The following ZBTB7C variants were observed in gnomAD, a reference collection of about 807,000 sequenced individuals.
ZBTB7C encodes zinc finger and BTB domain-containing protein 7C.
In ZBTB7C, 8 loss-of-function variants were observed where a neutral mutation model predicts 25.7. That is an observed-to-expected ratio of 0.31 (90% CI 0.18 to 0.56). The LOEUF is 0.56. Among genes scored for constraint, ZBTB7C ranks in the 20% least tolerant of loss-of-function variants. The pLI is 0.91. For missense variants in ZBTB7C, 824 were observed against 855.2 expected (o/e 0.96, Z 0.46); for synonymous variants, 394 against 369.0 (o/e 1.07, Z -0.78).
At chr18:48,248,990 G>A (rs1296962824) in intron 2 of ZBTB7C, among the ~76,000 whole-genome samples, 1 of 151,878 alleles carries the variant, frequency 6.6e-6, no homozygotes, top group East Asian at 1.9e-4. Context: ...ATAATTCACA[G>A]AAAATTATAT....
At chr18:48,299,619 T>C (rs558568790) in intron 2 of ZBTB7C, among the ~76,000 whole-genome samples, 2 of 152,114 alleles carry the variant, frequency 1.3e-5, no homozygotes, top group Non-Finnish European at 2.9e-5. Context: ...TGGCAAAGGA[T>C]GCAGACTGGA....
At chr18:48,327,142 G>T (rs969688724) in intron 2 of ZBTB7C, among the ~76,000 whole-genome samples, 6 of 152,098 alleles carry the variant, frequency 3.9e-5, no homozygotes, top group Non-Finnish European at 8.8e-5. Flanking sequence ...TGGTCACAGT[G>T]GCCTGGTCTC....
rs139839483 is a variant in ZBTB7C at position 48,168,437 on chromosome 18, A to G, written c.-17+17497T>C. ...AGAAATACCACAATCCAAGTTAAAA[A>G]CAGACTGGGAGAAAATATTTGCATT... On this transcript the variant is annotated intron_variant, in intron 3 of 4. Transcript: ENST00000590800. Among the ~76,000 whole-genome samples the G allele has an allele frequency of 4.1e-3, 626 of 152,348 alleles. 7 individuals are homozygous for G. The highest frequency in any genetic ancestry group is 0.014 in the African/African-American group (597 of 41,576).
At chr18:48,221,343 A>C (rs938664872) in intron 2 of ZBTB7C, among the ~76,000 whole-genome samples, 1 of 142,858 alleles carries the variant, frequency 7.0e-6, no homozygotes, top group African/African-American at 2.7e-5. Flanking sequence ...ATGCTGTCCT[A>C]GTCTCCTCTA....
chr18:48,391,014 A>G (rs1195036268), intron 1 of ZBTB7C, among the ~76,000 whole-genome samples: 9 of 152,216 alleles, frequency 5.9e-5, no homozygotes. Flanking sequence ...CCTGGACTCC[A>G]ACCCTCCTTC....
chr18:48,399,805 C>T (rs942402486), intron 1 of ZBTB7C, among the ~76,000 whole-genome samples: 2 of 152,218 alleles, frequency 1.3e-5, no homozygotes, highest in Non-Finnish European at 2.9e-5. Flanking sequence ...CAAATCCCCA[C>T]TCACCAGAGT....
intron 2 of ZBTB7C, among the ~76,000 whole-genome samples, chr18:48,256,348 C>A (rs143376027): frequency 6.6e-6 from 1 of 150,876 alleles, no homozygotes; most frequent in African/African-American, 2.4e-5. Flanking sequence ...ATAATGTGGG[C>A]AAAAAGACAG....
intron 3 of ZBTB7C, among the ~76,000 whole-genome samples, chr18:48,066,129 C>T (rs1237529067): frequency 6.6e-6 from 1 of 152,220 alleles, no homozygotes. Flanking sequence ...GGCTTCCATG[C>T]TGTTCATCTC....
chr18:48,363,179 T>C (rs1358894256), intron 1 of ZBTB7C, among the ~76,000 whole-genome samples: 1 of 151,428 alleles, frequency 6.6e-6, no homozygotes, highest in Non-Finnish European at 1.5e-5. Context: ...GCTATTGCTG[T>C]TGAGGTTTTT....
chr18:48,389,591 G>A (rs1481764163), intron 1 of ZBTB7C, among the ~76,000 whole-genome samples: 3 of 151,300 alleles, frequency 2.0e-5, no homozygotes, highest in African/African-American at 7.3e-5. Context: ...TTTCTCTTGG[G>A]TGTTCCCCAG....
At chr18:48,242,051 T>C (rs905736182) in intron 2 of ZBTB7C, among the ~76,000 whole-genome samples, 2 of 152,070 alleles carry the variant, frequency 1.3e-5, no homozygotes, top group African/African-American at 4.8e-5. Flanking sequence ...AAAAGATCAT[T>C]TGAGGCTCCT....
At chr18:48,052,409 A>G (rs4528649) in intron 3 of ZBTB7C, among the ~76,000 whole-genome samples, 64,960 of 152,110 alleles carry the variant, frequency 0.43, 14,438 homozygotes, top group East Asian at 0.57. Flanking sequence ...ATATTTTGGC[A>G]TCTGTTCTAG....
intron 3 of ZBTB7C, among the ~76,000 whole-genome samples, chr18:48,054,832 C>G (rs1019322744): frequency 6.6e-6 from 1 of 152,218 alleles, no homozygotes; most frequent in East Asian, 1.9e-4. Flanking sequence ...CCTCTGCTAT[C>G]ATTTCCTCCC....
intron 1 of ZBTB7C, among the ~76,000 whole-genome samples, chr18:48,357,209 G>A (rs1893949): frequency 0.79 from 119,807 of 152,226 alleles, 47,268 homozygotes; most frequent in Non-Finnish European, 0.81. Context: ...GGAGGCAGAC[G>A]GCCACCTGCA....
intron 2 of ZBTB7C, among the ~76,000 whole-genome samples, chr18:48,309,866 G>A (rs753731464): frequency 4.6e-5 from 7 of 152,198 alleles, no homozygotes; most frequent in Non-Finnish European, 8.8e-5. Context: ...AAATGGTACC[G>A]TGAGTTCTAT....
intron 2 of ZBTB7C, among the ~76,000 whole-genome samples, chr18:48,263,287 A>G (rs945111092): frequency 6.6e-6 from 1 of 152,212 alleles, no homozygotes; most frequent in Non-Finnish European, 1.5e-5. Flanking sequence ...CCCCCAGTAC[A>G]CTTGCAAGTA....
At chr18:48,183,596 A>G (rs1270351486) in intron 3 of ZBTB7C, among the ~76,000 whole-genome samples, 1 of 152,250 alleles carries the variant, frequency 6.6e-6, no homozygotes, top group Non-Finnish European at 1.5e-5. Context: ...TGAAAATGAC[A>G]TTTGGCTGTC....
chr18:48,110,821 C>G (rs559222854), intron 3 of ZBTB7C, among the ~76,000 whole-genome samples: 1 of 152,056 alleles, frequency 6.6e-6, no homozygotes, highest in Non-Finnish European at 1.5e-5. Flanking sequence ...GGAGGGGGTT[C>G]AGGATGAGGC....
intron 1 of ZBTB7C, among the ~76,000 whole-genome samples, chr18:48,378,326 G>A (rs1408696695): frequency 7.9e-5 from 12 of 152,050 alleles, no homozygotes; most frequent in Admixed American, 5.2e-4. Context: ...GAAAACAGGG[G>A]GATTAAAGAA....
Sources: allele counts gnomAD v4.1 joint callset (sites outside exome capture counted in the v4.1 genomes callset), GRCh38; gene constraint gnomAD v4.1.1; transcripts MANE v1.5; gene names NCBI Gene and HGNC (gene_info 2026-07-23, HGNC 2026-07-21).